The following PHF21A variants were observed in gnomAD, a reference collection of about 807,000 sequenced individuals.
PHF21A encodes PHD finger protein 21A, also known as BHC80a.
PHF21A carries 11 observed loss-of-function variants against 82.5 expected under a neutral mutation model. The ratio of observed to expected loss-of-function variants is 0.13; its 90% CI spans 0.08 to 0.22. The LOEUF is 0.22. Among genes scored for constraint, PHF21A ranks in the 10% least tolerant of loss-of-function variants. The pLI, the probability that PHF21A is intolerant of heterozygous loss-of-function variation, is 1.00. For missense variants in PHF21A, 579 were observed against 837.8 expected (o/e 0.69, Z 3.81); for synonymous variants, 297 against 302.8 (o/e 0.98, Z 0.20).
intron 6 of PHF21A, among the ~76,000 whole-genome samples, chr11:46,054,011 G>A (rs1046833808): frequency 3.3e-5 from 5 of 152,032 alleles, no homozygotes; most frequent in Non-Finnish European, 1.5e-5. Context: ...CCCCCACTTC[G>A]CCACAAGCTT....
intron 1 of PHF21A, among the ~76,000 whole-genome samples, chr11:46,111,414 G>A (rs1593386276): frequency 6.6e-6 from 1 of 151,974 alleles, no homozygotes; most frequent in Non-Finnish European, 1.5e-5. Flanking sequence ...AGGTTGCAGT[G>A]AGCTGATATT....
At chr11:46,020,922 T>C (rs1467919853) in intron 6 of PHF21A, among the ~76,000 whole-genome samples, 1 of 152,206 alleles carries the variant, frequency 6.6e-6, no homozygotes, top group Non-Finnish European at 1.5e-5. Flanking sequence ...GAAAAATCCA[T>C]TGTAAACTGA....
chr11:46,094,537 A>G (rs541595675), intron 1 of PHF21A, among the ~76,000 whole-genome samples: 1 of 152,294 alleles, frequency 6.6e-6, no homozygotes, highest in East Asian at 1.9e-4. Flanking sequence ...ACACTAGCGA[A>G]ATATTTTTGG....
intron 6 of PHF21A, among the ~76,000 whole-genome samples, chr11:46,009,673 T>G (rs1591923006): frequency 6.6e-6 from 1 of 152,200 alleles, no homozygotes; most frequent in Non-Finnish European, 1.5e-5. Flanking sequence ...ATTCCAAAAG[T>G]AGCAAATAGC....
intron 7 of PHF21A, 144 bp from the exon 8 acceptor site, chr11:45,971,511 C>A: frequency 1.3e-6 from 1 of 780,222 alleles, no homozygotes. Context: ...AACAACATTT[C>A]TTTTGTGTAC....
At chr11:46,020,453 G>A (rs2095606161) in intron 6 of PHF21A, among the ~76,000 whole-genome samples, 2 of 152,072 alleles carry the variant, frequency 1.3e-5, no homozygotes, top group Non-Finnish European at 2.9e-5. Flanking sequence ...CATACGCAGC[G>A]GATGGAAGTG....
At chr11:46,036,974 G>T (rs995134543) in intron 6 of PHF21A, among the ~76,000 whole-genome samples, 4 of 152,124 alleles carry the variant, frequency 2.6e-5, no homozygotes, top group Non-Finnish European at 5.9e-5. Context: ...GCTTCCCAAA[G>T]TGTTGGGATT....
intron 6 of PHF21A, among the ~76,000 whole-genome samples, chr11:46,045,580 G>GT (rs2096245005): frequency 6.6e-6 from 1 of 152,118 alleles, no homozygotes; most frequent in African/African-American, 2.4e-5. Context: ...TTATGTCCTA[G>GT]TAAACAGAAT....
chr11:45,941,306 C>T (rs936439172), intron 15 of PHF21A, among the ~76,000 whole-genome samples: 2 of 152,104 alleles, frequency 1.3e-5, no homozygotes. Flanking sequence ...CCCTTTATTA[C>T]CCAGGCTGGT....
chr11:45,986,322 C>T (rs1220630538), intron 6 of PHF21A, among the ~76,000 whole-genome samples: 2 of 152,062 alleles, frequency 1.3e-5, no homozygotes, highest in Non-Finnish European at 2.9e-5. Context: ...ATATGTATGA[C>T]TATAAAAGAC....
chr11:46,012,658 T>C (rs1313754509), intron 6 of PHF21A, among the ~76,000 whole-genome samples: 4 of 152,190 alleles, frequency 2.6e-5, no homozygotes, highest in Non-Finnish European at 5.9e-5. Flanking sequence ...GCCTAGAACA[T>C]AGTAGAGGTA....
At chr11:45,952,954 T>C (rs1487180022) in intron 11 of PHF21A, among the ~76,000 whole-genome samples, 1 of 152,266 alleles carries the variant, frequency 6.6e-6, no homozygotes, top group Non-Finnish European at 1.5e-5. Context: ...TCTTCTTTGC[T>C]ATTTATGTTT....
chr11:46,065,950 T>C (rs2096588899), intron 6 of PHF21A, among the ~76,000 whole-genome samples: 2 of 152,230 alleles, frequency 1.3e-5, no homozygotes, highest in Non-Finnish European at 2.9e-5. Context: ...TGCCATGAGA[T>C]GTTAGGGCGG....
intron 6 of PHF21A, among the ~76,000 whole-genome samples, chr11:46,068,708 T>A (rs1380888440): frequency 1.3e-5 from 2 of 152,092 alleles, no homozygotes; most frequent in Admixed American, 1.3e-4. Flanking sequence ...TAGATTCTAG[T>A]AGCCCAGTGT....
intron 1 of PHF21A, among the ~76,000 whole-genome samples, chr11:46,100,567 G>A (rs2097081341): frequency 6.6e-6 from 1 of 151,984 alleles, no homozygotes; most frequent in African/African-American, 2.4e-5. Context: ...CTTATTAAAG[G>A]TCCTGTTAAG....
rs1395204399 is a variant in PHF21A, at chr11:45,932,745, T to C, written c.*1223A>G. The C allele has an allele frequency of 2.6e-5, 4 of 152,496 alleles. No individual in the cohort carries two copies. The highest frequency in any genetic ancestry group is 4.4e-5 in the Non-Finnish European group (3 of 68,012). 9.4% of individuals were successfully genotyped at this position (152,496 alleles called of 1,614,324 possible). ...AGTTTTTTTTCCCCAGATACAAAGA[T>C]TTTTGCCCTTGCATAAAAAAACAGT... On this transcript the variant is annotated 3_prime_UTR_variant, in exon 19 of 19. Transcript: ENST00000676320. This position sits in a 1 kb window ranked among gnomAD's most constrained non-coding sequence, Gnocchi z 4.3.
At chr11:45,984,188 A>G (rs1591593820) in intron 6 of PHF21A, among the ~76,000 whole-genome samples, 2 of 152,358 alleles carry the variant, frequency 1.3e-5, no homozygotes, top group East Asian at 3.9e-4. Flanking sequence ...AGAAAGCTGG[A>G]AAGAACAAAG....
chr11:45,941,054 C>A (rs967733901), intron 15 of PHF21A, among the ~76,000 whole-genome samples: 1 of 152,138 alleles, frequency 6.6e-6, no homozygotes, highest in African/African-American at 2.4e-5. Context: ...TCCCAGAGAG[C>A]TTTTATATGA....
In PHF21A at chr11:45,935,657, T is replaced by C; in HGVS notation, c.1767A>G (p.Lys589=). ...TTACACTTATGGAATTGCTGAGCTG[T>C]TTCACCTTTTGCTCTAGTTGTTCTC... ...QEREQLEQKV[K]QLSNSISKCM... is the part of the protein sequence containing the mutation. Residue 589 remains lysine, a synonymous_variant, in exon 18 of 19, where the codon AAA becomes AAG. Coordinates refer to ENST00000676320, the MANE Select transcript of PHF21A (RefSeq NM_001352027.3). 1.3e-6 allele frequency: 2 copies of C among 1,532,792 alleles called. No individual in the cohort carries two copies. Among genetic ancestry groups the C allele is most frequent in the Non-Finnish European group, 1.8e-6 (2 of 1,106,452 alleles). The allele number at this position is 1,532,792 out of a possible 1,614,324, so 94.9% of individuals were successfully genotyped here.
Sources: gnomAD v4.1 joint callset for allele counts (sites outside exome capture counted in the v4.1 genomes callset) on GRCh38, gnomAD v4.1.1 for gene constraint, Gnocchi (gnomAD v3.1) non-coding constraint, MANE v1.5 for transcripts, NCBI Gene and HGNC (gene_info 2026-07-23, HGNC 2026-07-21) for gene names.